Variants in SEPHS1 observed in about 807,000 individuals in gnomAD.
SEPHS1 encodes selenophosphate synthetase 1, also known as zincore component SEPHS1.
Under a neutral mutation model 39.2 loss-of-function variants are expected in SEPHS1, and 7 were observed. The observed-to-expected ratio is 0.18, with a 90% CI of 0.10 to 0.34. The LOEUF (loss-of-function observed/expected upper bound fraction) is 0.34. Among genes scored for constraint, SEPHS1 ranks in the 10% least tolerant of loss-of-function variants. The probability of loss-of-function intolerance (pLI) is 1.00; values close to 1 mark genes in which losing one functional copy is unlikely to be tolerated. For synonymous variants in SEPHS1, 190 were observed against 195.5 expected, an observed-to-expected ratio of 0.97 and a Z score of 0.23; for missense variants, 253 against 514.5, an observed-to-expected ratio of 0.49 and a Z score of 4.92.
chr10:13,334,006 G>T (rs1833549031), intron 4 of SEPHS1, 35 bp from the exon 5 acceptor site: 1 of 1,572,734 alleles, frequency 6.4e-7, no homozygotes, highest in African/African-American at 1.4e-5. Context: ...AAAAGTCAAA[G>T]AATTCTGTTC....
intron 7 of SEPHS1, among the ~76,000 whole-genome samples, chr10:13,327,795 G>A (rs774884137): frequency 2.6e-5 from 4 of 152,130 alleles, no homozygotes; most frequent in African/African-American, 7.2e-5. Context: ...CAGCCAAAAG[G>A]AATCTACTAC....
intron 4 of SEPHS1, among the ~76,000 whole-genome samples, chr10:13,335,893 T>C (rs764511053): frequency 6.6e-6 from 1 of 150,746 alleles, no homozygotes; most frequent in Non-Finnish European, 1.5e-5. Context: ...GGCAGGAGAA[T>C]TGTTTGAACC....
intron 6 of SEPHS1, 82 bp from the exon 7 acceptor site, chr10:13,328,532 A>T: frequency 1.0e-6 from 1 of 962,014 alleles, no homozygotes; most frequent in Non-Finnish European, 1.6e-6. Context: ...GAAAAACAGC[A>T]ACTTTTTCTT....
intron 2 of SEPHS1, among the ~76,000 whole-genome samples, chr10:13,339,237 G>C (rs1833722877): frequency 6.6e-6 from 1 of 152,090 alleles, no homozygotes. Flanking sequence ...TTATCGTATT[G>C]TCCCATCAGA....
chr10:13,327,464 G>A (rs1333833553), intron 7 of SEPHS1, among the ~76,000 whole-genome samples: 1 of 152,130 alleles, frequency 6.6e-6, no homozygotes, highest in African/African-American at 2.4e-5. Flanking sequence ...GAGCTGTTTT[G>A]GGTGGAGGGA....
At chr10:13,346,664 A>G (rs1023882454) in intron 1 of SEPHS1, among the ~76,000 whole-genome samples, 2 of 152,120 alleles carry the variant, frequency 1.3e-5, no homozygotes, top group African/African-American at 2.4e-5. Context: ...CAAAAACAAC[A>G]AAGTCCTTTC....
chr10:13,338,995 G>A (rs1474906970), intron 2 of SEPHS1, 187 bp from the exon 3 acceptor site: 1 of 594,578 alleles, frequency 1.7e-6, no homozygotes, highest in Non-Finnish European at 3.0e-6. Context: ...AGCTTAGGAT[G>A]GAAAATACCA....
At chr10:13,347,458 G>C (rs1467418941) in intron 1 of SEPHS1, 1 of 149,376 alleles carries the variant, frequency 6.7e-6, no homozygotes, top group African/African-American at 2.4e-5. Flanking sequence ...GGAGGCGGCA[G>C]CTCGGGGCCC....
chr10:13,322,793 A>G (rs1171966520), intron 8 of SEPHS1, 42 bp downstream of exon 8: 2 of 1,575,896 alleles, frequency 1.3e-6, no homozygotes, highest in East Asian at 4.5e-5. Context: ...GCTTTCTGTT[A>G]GCCTCACTAT....
In SEPHS1 at chr10:13,338,847, G is replaced by A. The variant is rs769607063; in HGVS notation, c.194-39C>T. On this transcript the variant is annotated intron_variant, in intron 2 of 8. Transcript: ENST00000327347. ...AGTCATTAGCATCCAAAAATAAAACGGGAAAGCCATTTCATTTTATATCAC... is the reference window on the plus strand; with the variant it reads ...AGTCATTAGCATCCAAAAATAAAACAGGAAAGCCATTTCATTTTATATCAC... 1.4e-5 allele frequency: 20 copies of A among 1,464,256 alleles called. No homozygotes were observed. The East Asian group carries it at 3.2e-4, about 23-fold the overall frequency. 90.7% of individuals were successfully genotyped at this position (1,464,256 alleles called of 1,614,324 possible).
chr10:13,320,960 C>G (rs1364941928), intron 8 of SEPHS1, among the ~76,000 whole-genome samples: 7 of 152,182 alleles, frequency 4.6e-5, no homozygotes, highest in African/African-American at 1.7e-4. Context: ...CCTGAACCAG[C>G]AGGGGAAAAA....
At chr10:13,322,050 A>C (rs888466982) in intron 8 of SEPHS1, 4 of 455,784 alleles carry the variant, frequency 8.8e-6, no homozygotes, top group African/African-American at 8.0e-5. Flanking sequence ...GTTTCCTCTA[A>C]TAAATTACTG....
In SEPHS1 at chr10:13,318,688, C is replaced by T. The variant is rs528576853; in HGVS notation, c.*454G>A. On this transcript the variant is annotated 3_prime_UTR_variant, in exon 9 of 9. Transcript: ENST00000327347. ...TGCAACCCTCTTATGACTGGGATAC[C>T]GTCATGTGCCACTTACCAATGCTGT... The T allele has an allele frequency of 4.1e-5, 7 of 172,226 alleles. No homozygotes were observed. The South Asian group carries it at 1.0e-3, about 26-fold the overall frequency. The allele number at this position is 172,226 out of a possible 1,614,324, so 10.7% of individuals were successfully genotyped here. A position where few individuals can be genotyped will look rare whatever the true frequency, so the allele number is the denominator to read the frequency against.
At chr10:13,325,212 A>G (rs1833230149) in intron 7 of SEPHS1, among the ~76,000 whole-genome samples, 1 of 152,320 alleles carries the variant, frequency 6.6e-6, no homozygotes, top group East Asian at 1.9e-4. Context: ...TTGGTGTTAT[A>G]AAGTCATCAC....
At chr10:13,325,452 G>C (rs116213132) in intron 7 of SEPHS1, among the ~76,000 whole-genome samples, 1,565 of 152,232 alleles carry the variant, frequency 0.01, 25 homozygotes, top group South Asian at 0.031. Context: ...GAATTCTCAT[G>C]AGATCTGATG....
In SEPHS1 at chr10:13,328,457, A is replaced by G; in HGVS notation, c.652-7T>C. ...TCTTATTCCATTTCTCAGGCTGATA[A>G]TAGAAATGTAGGTGAGGGAGAGAAA... On this transcript the variant is annotated splice_region_variant and splice_polypyrimidine_tract_variant and intron_variant, in intron 6 of 8. Transcript: ENST00000327347. The G allele has an allele frequency of 6.3e-7, 1 of 1,582,212 alleles. No individual in the cohort carries two copies. The highest frequency in any genetic ancestry group is 8.7e-7 in the Non-Finnish European group (1 of 1,151,912).
At position 13,322,900 on chromosome 10, in the gene SEPHS1, G is replaced by C; in HGVS notation, c.899C>G (p.Ala300Gly). 1 of 1,613,974 alleles carries C rather than the reference G, an allele frequency of 6.2e-7. No individual in the cohort carries two copies. The highest frequency in any genetic ancestry group is 8.5e-7 in the Non-Finnish European group (1 of 1,179,874). ...GTTTCCGCAGGCCTTGCTCACCGCA[G>C]CCATCTTGGCCAGCACCGGGAGGTT... ...IHNLPVLAKM[A>G]AVSKACGNMF... Residue 300 changes from alanine to glycine, a missense_variant, in exon 8 of 9, where the codon GCT becomes GGT. This residue lies in a region of SEPHS1 where 107 missense variants were observed against 257.1 expected (regional missense o/e 0.42). Transcript: ENST00000327347.
Position 13,336,437 on chromosome 10 carries a change from G to C in SEPHS1, c.298-87C>G, listed in dbSNP as rs970326493. 9.4e-6 allele frequency: 9 copies of C among 960,010 alleles called. No individual in the cohort carries two copies. The African/African-American group carries it at 1.1e-4, about 12-fold the overall frequency. 59.5% of individuals were successfully genotyped at this position (960,010 alleles called of 1,614,324 possible). A position where few individuals can be genotyped will look rare whatever the true frequency, so the allele number is the denominator to read the frequency against. On this transcript the variant is annotated intron_variant, in intron 3 of 8. Coordinates refer to ENST00000327347, the MANE Select transcript of SEPHS1 (RefSeq NM_012247.5). ...TGAGCCATGGAGTGGACTCCACAGAGAACGTGGAGACTTTCCAGGAGTAGC... is the reference window on the plus strand; with the variant it reads ...TGAGCCATGGAGTGGACTCCACAGACAACGTGGAGACTTTCCAGGAGTAGC...
intron 2 of SEPHS1, 29 bp downstream of exon 2, chr10:13,344,729 G>A: frequency 2.1e-6 from 3 of 1,423,672 alleles, no homozygotes; most frequent in East Asian, 2.5e-5. Context: ...TTGGATCGCA[G>A]ACCATCAAAG....
Sources: gnomAD v4.1 joint callset for allele counts (sites outside exome capture counted in the v4.1 genomes callset) on GRCh38, gnomAD v4.1.1 for gene constraint, gnomAD v4.1.1 regional missense constraint, MANE v1.5 for transcripts, NCBI Gene and HGNC (gene_info 2026-07-23, HGNC 2026-07-21) for gene names.